DSCC1: variants seen among roughly 807,000 people sequenced by gnomAD.
The protein encoded by DSCC1 is sister chromatid cohesion protein DCC1.
Under a neutral mutation model 48.2 loss-of-function variants are expected in DSCC1, and 32 were observed. The observed-to-expected ratio is 0.66, with a 90% CI of 0.50 to 0.89. The LOEUF is 0.89. DSCC1 is among the 40% of genes least tolerant of loss of function. DSCC1 has a pLI of 0.00. For missense variants in DSCC1, 421 were observed against 471.7 expected, an observed-to-expected ratio of 0.89 and a Z score of 1.00; for synonymous variants, 150 against 171.5, an observed-to-expected ratio of 0.87 and a Z score of 0.98.
At chr8:119,845,083 ATTTATTTAT>A (rs1826835836) in intron 4 of DSCC1, among the ~76,000 whole-genome samples, 1 of 149,772 alleles carries the variant, frequency 6.7e-6, no homozygotes, top group Admixed American at 6.7e-5. Flanking sequence ...TTATTTATTT[ATTTATTTAT>A]TTATTTATTT....
rs1826641744 is a variant in DSCC1 at position 119,834,534 on chromosome 8, T to C, written c.*359A>G. 5.2e-6 allele frequency: 1 copy of C among 193,016 alleles called. No individual in the cohort carries two copies. Among genetic ancestry groups the C allele is most frequent in the Admixed American group, 6.3e-5 (1 of 15,776 alleles). 12.0% of individuals were successfully genotyped at this position (193,016 alleles called of 1,614,324 possible). A position where few individuals can be genotyped will look rare whatever the true frequency, so the allele number is the denominator to read the frequency against. ...TAGTTCTCTTCTATGAAACTATTAC[T>C]ATTTAGTTCTCTGGAAAACTTAAGT... is the stretch of plus-strand genomic sequence containing the variant. On this transcript the variant is annotated 3_prime_UTR_variant, in exon 9 of 9. Transcript: ENST00000313655.
chr8:119,848,811 C>T (rs930118787), intron 3 of DSCC1, among the ~76,000 whole-genome samples: 1 of 152,110 alleles, frequency 6.6e-6, no homozygotes, highest in Non-Finnish European at 1.5e-5. Flanking sequence ...ACACTGCAGC[C>T]GGGCATGGTG....
At chr8:119,849,181 T>A (rs1222224024) in intron 3 of DSCC1, among the ~76,000 whole-genome samples, 4 of 26,604 alleles carry the variant, frequency 1.5e-4, no homozygotes, top group African/African-American at 1.4e-4. Flanking sequence ...CGAGACTCCC[T>A]CTCAAAAAAA....
At chr8:119,835,084 C>T (rs1387641890) in intron 8 of DSCC1, 83 bp from the exon 9 acceptor site, 1 of 907,842 alleles carries the variant, frequency 1.1e-6, no homozygotes, top group Non-Finnish European at 1.7e-6. Context: ...TTTTCTCTCT[C>T]TCCCCCTGAA....
At chr8:119,842,275 T>C (rs1227144067) in intron 6 of DSCC1, among the ~76,000 whole-genome samples, 1 of 152,120 alleles carries the variant, frequency 6.6e-6, no homozygotes, top group Non-Finnish European at 1.5e-5. Flanking sequence ...GGTTTCACCA[T>C]GTTGGCCAGG....
intron 8 of DSCC1, among the ~76,000 whole-genome samples, chr8:119,837,205 T>C: frequency 6.6e-6 from 1 of 152,092 alleles, no homozygotes; most frequent in East Asian, 1.9e-4. Context: ...ATGGGGATGA[T>C]CCAGAAGAGG....
intron 7 of DSCC1, 88 bp downstream of exon 7, chr8:119,841,706 T>C (rs1469453079): frequency 2.1e-6 from 3 of 1,462,300 alleles, no homozygotes; most frequent in South Asian, 1.3e-5. Flanking sequence ...GAAAAGAAAT[T>C]GGTTCCAAAT....
intron 8 of DSCC1, among the ~76,000 whole-genome samples, chr8:119,836,802 A>C (rs1281926599): frequency 6.6e-6 from 1 of 152,068 alleles, no homozygotes; most frequent in African/African-American, 2.4e-5. Context: ...AACAGAAGAG[A>C]AGATGGCCCA....
chr8:119,849,111 G>T (rs1826905499), intron 3 of DSCC1, among the ~76,000 whole-genome samples: 1 of 151,126 alleles, frequency 6.6e-6, no homozygotes, highest in African/African-American at 2.4e-5. Flanking sequence ...CGTGAACCCG[G>T]GAGGCGGAGC....
intron 4 of DSCC1, among the ~76,000 whole-genome samples, chr8:119,846,175 G>A (rs536224647): frequency 1.6e-4 from 23 of 144,026 alleles, no homozygotes; most frequent in Admixed American, 1.4e-3. Context: ...GGGCAGTGAC[G>A]CGATCTCCGC....
At chr8:119,840,027 C>G (rs1826744466) in intron 7 of DSCC1, 1 of 152,208 alleles carries the variant, frequency 6.6e-6, no homozygotes. Flanking sequence ...TATGTCTCCC[C>G]CATTGCCAGT....
rs1454462790 is a variant in DSCC1 at position 119,853,150 on chromosome 8, A to C, written c.248T>G (p.Leu83Trp). The part of the protein sequence containing the change: ...VLCSKDKTYD[L>W]KIADTSNMLL... ...CATATTGGAAGTGTCTGCTATCTTC[A>C]AGTCGTATGTTTTGTCTTTACTGCA... Residue 83 changes from leucine to tryptophan, a missense_variant, in exon 2 of 9, where the codon TTG becomes TGG. Coordinates refer to ENST00000313655, the MANE Select transcript of DSCC1 (RefSeq NM_024094.3). 1.2e-6 allele frequency: 2 copies of C among 1,613,978 alleles called. No individual in the cohort carries two copies. The highest frequency in any genetic ancestry group is 2.7e-5 in the African/African-American group (2 of 74,936).
At chr8:119,849,184 CAAAAA>C (rs550853227) in intron 3 of DSCC1, among the ~76,000 whole-genome samples, 5 of 29,506 alleles carry the variant, frequency 1.7e-4, no homozygotes, top group Admixed American at 1.0e-3. Context: ...GACTCCCTCT[CAAAAA>C]AAAAAAAAAA....
At chr8:119,835,658 T>C (rs1826669964) in intron 8 of DSCC1, among the ~76,000 whole-genome samples, 1 of 152,210 alleles carries the variant, frequency 6.6e-6, no homozygotes, top group Non-Finnish European at 1.5e-5. Flanking sequence ...GTCTATGCTA[T>C]TTCTATTATA....
At chr8:119,840,916 A>G (rs1826758302) in intron 7 of DSCC1, among the ~76,000 whole-genome samples, 2 of 148,610 alleles carry the variant, frequency 1.3e-5, no homozygotes, top group South Asian at 4.2e-4. Context: ...AGTCTCAAAA[A>G]TAAATAAATA....
At chr8:119,847,183 A>T in intron 3 of DSCC1, 103 bp from the exon 4 acceptor site, 1 of 872,738 alleles carries the variant, frequency 1.1e-6, no homozygotes. Context: ...TTAAGGCAAT[A>T]TTTATGCACT....
At chr8:119,837,356 T>G (rs1826701107) in intron 8 of DSCC1, among the ~76,000 whole-genome samples, 1 of 152,186 alleles carries the variant, frequency 6.6e-6, no homozygotes, top group African/African-American at 2.4e-5. Flanking sequence ...GCAAAGGAAG[T>G]AGGTGTACAC....
rs533751411 is a variant in DSCC1 at position 119,844,401 on chromosome 8, T to C, written c.578-654A>G. Among the ~76,000 whole-genome samples, 86 of 146,018 alleles carry C rather than the reference T, an allele frequency of 5.9e-4. 1 individual carries two copies. Among genetic ancestry groups the C allele is most frequent in the South Asian group, 2.6e-3 (12 of 4,606 alleles). ...TTGTAGTGAGCCAAGATTACACCAC[T>C]GCATTCCAACTTGGGCAATGGTGAG... On this transcript the variant is annotated intron_variant, in intron 4 of 8. Transcript: ENST00000313655.
intron 8 of DSCC1, 85 bp from the exon 9 acceptor site, chr8:119,835,086 C>A: frequency 1.1e-6 from 1 of 876,780 alleles, no homozygotes; most frequent in South Asian, 1.8e-5. Context: ...TTCTCTCTCT[C>A]CCCCTGAATC....
Sources: gnomAD v4.1 joint callset for allele counts (sites outside exome capture counted in the v4.1 genomes callset) on GRCh38, gnomAD v4.1.1 for gene constraint, MANE v1.5 for transcripts, NCBI Gene and HGNC (gene_info 2026-07-23, HGNC 2026-07-21) for gene names.